Variants in HIPK2 observed in about 807,000 individuals in gnomAD.
HIPK2 encodes the protein homeodomain interacting protein kinase 2.
A neutral mutation model predicts 113.7 loss-of-function variants in HIPK2; 27 were observed. That is an observed-to-expected ratio of 0.24 (90% CI 0.17 to 0.33). The LOEUF (loss-of-function observed/expected upper bound fraction) is 0.33. Among genes scored for constraint, HIPK2 ranks in the 10% least tolerant of loss-of-function variants. HIPK2 has a pLI of 1.00. For synonymous variants in HIPK2, 631 were observed against 642.2 expected (o/e 0.98, Z 0.26); for missense variants, 1,257 against 1,588.0 (o/e 0.79, Z 3.54).
Position 139,566,620 on chromosome 7 carries a change from C to T in HIPK2, c.*6307G>A, listed in dbSNP as rs967236258. The T allele has an allele frequency of 2.0e-5, 3 of 152,256 alleles. No homozygotes were observed. Among genetic ancestry groups the T allele is most frequent in the African/African-American group, 7.2e-5 (3 of 41,464 alleles). The allele number at this position is 152,256 out of a possible 1,614,324, so 9.4% of individuals were successfully genotyped here. A position where few individuals can be genotyped will look rare whatever the true frequency, so the allele number is the denominator to read the frequency against. Reference sequence around the variant, plus strand: ...CCTTCCTTCAACACCTGCCACTTCTCAGAGCATCCGGTCAGCTCCCTTATC... The same window carrying T: ...CCTTCCTTCAACACCTGCCACTTCTTAGAGCATCCGGTCAGCTCCCTTATC... On this transcript the variant is annotated 3_prime_UTR_variant, in exon 15 of 15. Transcript: ENST00000406875. The surrounding 1 kb of genome is among the most constrained non-coding windows in gnomAD (Gnocchi z 4.1).
chr7:139,585,357 G>A (rs1798799821), intron 12 of HIPK2, among the ~76,000 whole-genome samples: 1 of 152,230 alleles, frequency 6.6e-6, no homozygotes, highest in Non-Finnish European at 1.5e-5. Context: ...TGTCTGCTGA[G>A]CTACAGAAGG....
At chr7:139,641,922 G>C (rs972606466) in intron 2 of HIPK2, among the ~76,000 whole-genome samples, 3 of 152,188 alleles carry the variant, frequency 2.0e-5, no homozygotes, top group South Asian at 4.1e-4. Flanking sequence ...ATTTCTCTGA[G>C]TTTTTATTTC....
intron 2 of HIPK2, among the ~76,000 whole-genome samples, chr7:139,699,307 T>A (rs1794645104): frequency 6.6e-6 from 1 of 152,124 alleles, no homozygotes; most frequent in African/African-American, 2.4e-5. Flanking sequence ...TCAATTTCTA[T>A]GGCAAAACAA....
At chr7:139,623,464 G>A (rs867311307) in intron 6 of HIPK2, among the ~76,000 whole-genome samples, 1 of 145,458 alleles carries the variant, frequency 6.9e-6, no homozygotes, top group East Asian at 2.0e-4. Flanking sequence ...GACGCAGTGA[G>A]CAAAGATCGT....
In HIPK2 at chr7:139,607,752, G is replaced by A. The variant is rs147426588; in HGVS notation, c.2113-3529C>T. 3.9e-5 allele frequency among the ~76,000 whole-genome samples: 6 copies of A among 152,194 alleles called. No individual in the cohort carries two copies. In the East Asian group the frequency reaches 9.6e-4, roughly 24 times the overall value. On this transcript the variant is annotated intron_variant, in intron 9 of 14. Coordinates refer to ENST00000406875, the MANE Select transcript of HIPK2 (RefSeq NM_022740.5). Reference sequence around the variant, plus strand: ...TGGGAGGAATAGGAGAAAAGAGTGAGTGAAAGGAGGAACAGGAGAGAAATT... The same window carrying A: ...TGGGAGGAATAGGAGAAAAGAGTGAATGAAAGGAGGAACAGGAGAGAAATT...
chr7:139,579,560 G>A (rs1798599052), intron 13 of HIPK2, among the ~76,000 whole-genome samples: 2 of 152,190 alleles, frequency 1.3e-5, no homozygotes, highest in South Asian at 4.1e-4. Flanking sequence ...TGAGGCTGGA[G>A]CCAGCAAGAA....
At chr7:139,586,059 T>C (rs1375556830) in intron 12 of HIPK2, among the ~76,000 whole-genome samples, 1 of 152,162 alleles carries the variant, frequency 6.6e-6, no homozygotes, top group Non-Finnish European at 1.5e-5. Context: ...GAGAGAATAA[T>C]GGATGTCACA....
At position 139,573,111 on chromosome 7, in the gene HIPK2, G is replaced by C. The variant is rs779656979; in HGVS notation, c.3413C>G (p.Ala1138Gly). 1.1e-5 allele frequency: 18 copies of C among 1,611,784 alleles called. No homozygotes were observed. The highest frequency in any genetic ancestry group is 1.5e-5 in the Non-Finnish European group (18 of 1,179,168). Reference protein sequence around the residue: ...RHTVQHTAYPASIVHQVPVSM... With the variant: ...RHTVQHTAYPGSIVHQVPVSM... ...CACGGGGACCTGGTGGACGATGCTG[G>C]CTGGGTAGGCAGTGTGCTGCACGGT... The change falls in exon 15 of 15, where the codon GCC (alanine) becomes GGC (glycine). Residue 1138 changes from alanine to glycine, a missense_variant. By Grantham distance (60) the Ala-to-Gly change is moderately conservative. Around this residue, in one of 5 missense-constraint regions of HIPK2, gnomAD observed 862 missense variants for 1,004.3 expected, o/e 0.86. Coordinates refer to ENST00000406875, the MANE Select transcript of HIPK2 (RefSeq NM_022740.5).
At chr7:139,641,859 C>T (rs1052462171) in intron 2 of HIPK2, among the ~76,000 whole-genome samples, 2 of 152,204 alleles carry the variant, frequency 1.3e-5, no homozygotes, top group Non-Finnish European at 1.5e-5. Flanking sequence ...AAATCTGCAG[C>T]GCTAATCGGA....
intron 2 of HIPK2, among the ~76,000 whole-genome samples, chr7:139,713,374 C>T (rs1402668383): frequency 2.0e-5 from 3 of 152,104 alleles, no homozygotes; most frequent in Non-Finnish European, 2.9e-5. Context: ...CCCGATTTTG[C>T]GACCTGTCTC....
chr7:139,757,026 T>C (rs1585459254), intron 1 of HIPK2, among the ~76,000 whole-genome samples: 2 of 152,232 alleles, frequency 1.3e-5, no homozygotes, highest in African/African-American at 4.8e-5. Context: ...CCCAGAACTT[T>C]ACCTAATTTC....
At chr7:139,695,928 T>C (rs1284352984) in intron 2 of HIPK2, among the ~76,000 whole-genome samples, 1 of 144,358 alleles carries the variant, frequency 6.9e-6, no homozygotes, top group African/African-American at 2.9e-5. Flanking sequence ...GTCTTGCTCC[T>C]AATAGGTGTC....
intron 2 of HIPK2, among the ~76,000 whole-genome samples, chr7:139,670,443 A>AT (rs55744963): frequency 6.7e-6 from 1 of 149,740 alleles, no homozygotes; most frequent in Non-Finnish European, 1.5e-5. Context: ...AAAAAAAAAA[A>AT]TTAGCTGGGC....
intron 13 of HIPK2, among the ~76,000 whole-genome samples, chr7:139,583,029 C>T (rs985275226): frequency 1.3e-5 from 2 of 152,182 alleles, no homozygotes; most frequent in Non-Finnish European, 2.9e-5. Flanking sequence ...AGCTTCCTGG[C>T]GTTCCCTTTC....
chr7:139,705,330 C>A (rs564698307), intron 2 of HIPK2, among the ~76,000 whole-genome samples: 1 of 152,222 alleles, frequency 6.6e-6, no homozygotes, highest in African/African-American at 2.4e-5. Flanking sequence ...TCCCTACCAA[C>A]CTCATCTTCT....
chr7:139,679,920 T>C (rs1487539168), intron 2 of HIPK2, among the ~76,000 whole-genome samples: 1 of 151,874 alleles, frequency 6.6e-6, no homozygotes, highest in Admixed American at 6.6e-5. Context: ...ACATCTAGGA[T>C]GCTTTTATCA....
At chr7:139,586,241 T>C (rs1462132756) in intron 12 of HIPK2, among the ~76,000 whole-genome samples, 1 of 152,220 alleles carries the variant, frequency 6.6e-6, no homozygotes, top group Non-Finnish European at 1.5e-5. Context: ...AGTTTAAATG[T>C]GAAATGTCCA....
chr7:139,722,340 A>G (rs1165145654), intron 1 of HIPK2, among the ~76,000 whole-genome samples: 4 of 152,194 alleles, frequency 2.6e-5, no homozygotes, highest in Non-Finnish European at 2.9e-5. Context: ...AAAGTCTCTC[A>G]TGCCGAAACA....
rs1331905801 is a variant in HIPK2, at chr7:139,569,262, G to T, written c.*3665C>A. ...AAATTTCCTGGGGAAGGTACCACCTGCCAGTCACTCTTACGCCACCTCACT... is the reference window on the plus strand; with the variant it reads ...AAATTTCCTGGGGAAGGTACCACCTTCCAGTCACTCTTACGCCACCTCACT... On this transcript the variant is annotated 3_prime_UTR_variant, in exon 15 of 15. Coordinates refer to ENST00000406875, the MANE Select transcript of HIPK2 (RefSeq NM_022740.5). The T allele has an allele frequency of 1.3e-5, 2 of 152,266 alleles. No individual in the cohort carries two copies. The highest frequency in any genetic ancestry group is 1.9e-4 in the East Asian group (1 of 5,194). The allele number at this position is 152,266 out of a possible 1,614,324, so 9.4% of individuals were successfully genotyped here. A position where few individuals can be genotyped will look rare whatever the true frequency, so the allele number is the denominator to read the frequency against.
Sources: allele counts gnomAD v4.1 joint callset (sites outside exome capture counted in the v4.1 genomes callset), GRCh38; gene constraint gnomAD v4.1.1; regional missense constraint gnomAD v4.1.1; non-coding constraint Gnocchi (gnomAD v3.1); transcripts MANE v1.5; gene names NCBI Gene and HGNC (gene_info 2026-07-23, HGNC 2026-07-21).